Variants in KAZN observed in about 807,000 individuals in gnomAD.
KAZN encodes kazrin.
KAZN carries 40 observed loss-of-function variants against 87.4 expected under a neutral mutation model. The observed-to-expected ratio is 0.46, with a 90% CI of 0.36 to 0.60. The LOEUF (loss-of-function observed/expected upper bound fraction) is 0.60. KAZN is among the 20% of genes least tolerant of loss of function. The pLI is 0.00. For synonymous variants in KAZN, 466 were observed against 458.3 expected (o/e 1.02, Z -0.22); for missense variants, 898 against 1,073.9 (o/e 0.84, Z 2.29).
chr1:14,388,142 C>T lies in KAZN; in HGVS notation c.249+207550C>T, dbSNP rs559860730. On this transcript the variant is annotated intron_variant, in intron 2 of 16. Transcript: ENST00000636203. Reference sequence around the variant, plus strand: ...GAACTCCCTGATCCCTTGCGCTTCCCGAGTGAGGCAATGCCTCGCCCTGCT... The same window carrying T: ...GAACTCCCTGATCCCTTGCGCTTCCTGAGTGAGGCAATGCCTCGCCCTGCT... 2.5e-3 allele frequency among the ~76,000 whole-genome samples: 385 copies of T among 152,314 alleles called. 1 individual carries two copies. Among genetic ancestry groups the T allele is most frequent in the South Asian group, 3.9e-3 (19 of 4,822 alleles).
At chr1:14,815,022 C>A (rs753193120) in intron 1 of KAZN, among the ~76,000 whole-genome samples, 2 of 152,112 alleles carry the variant, frequency 1.3e-5, no homozygotes, top group Non-Finnish European at 2.9e-5. Flanking sequence ...AGTGGACTTC[C>A]ACTCACAGCA....
At chr1:14,740,848 A>G (rs1208403378) in intron 1 of KAZN, among the ~76,000 whole-genome samples, 4 of 152,198 alleles carry the variant, frequency 2.6e-5, no homozygotes, top group African/African-American at 7.2e-5. Flanking sequence ...GGGGATTCCA[A>G]TTACTAACTG....
intron 2 of KAZN, among the ~76,000 whole-genome samples, chr1:14,453,100 C>T (rs960671803): frequency 5.9e-5 from 9 of 152,080 alleles, no homozygotes; most frequent in Non-Finnish European, 1.0e-4. Flanking sequence ...GGACTACAGG[C>T]GCCCACCACT....
At chr1:14,495,771 G>A (rs1461489124) in intron 2 of KAZN, among the ~76,000 whole-genome samples, 1 of 152,114 alleles carries the variant, frequency 6.6e-6, no homozygotes, top group Non-Finnish European at 1.5e-5. Context: ...AGGAAATTTG[G>A]GGTAGAGGAG....
intron 1 of KAZN, among the ~76,000 whole-genome samples, chr1:14,085,851 T>A (rs1001121859): frequency 2.0e-5 from 3 of 152,224 alleles, no homozygotes; most frequent in African/African-American, 7.2e-5. Flanking sequence ...CCAGAGTGAC[T>A]AACATTTTGC....
chr1:14,587,432 A>T (rs1295788), intron 2 of KAZN, among the ~76,000 whole-genome samples: 39,955 of 146,336 alleles, frequency 0.27, 6,585 homozygotes, highest in African/African-American at 0.47. Flanking sequence ...CGAGACTCCA[A>T]CTCAAAAAAA....
intron 2 of KAZN, among the ~76,000 whole-genome samples, chr1:14,379,685 A>G (rs115683543): frequency 1.9e-3 from 284 of 152,314 alleles, no homozygotes; most frequent in African/African-American, 6.7e-3. Context: ...AAGAATGGGA[A>G]GGACTGTGTC....
intron 1 of KAZN, among the ~76,000 whole-genome samples, chr1:14,718,047 G>A (rs7515321): frequency 0.67 from 102,576 of 152,080 alleles, 37,381 homozygotes; most frequent in Middle Eastern, 0.86. Flanking sequence ...GGGTAGCACC[G>A]CCAAAGACCG....
chr1:14,552,488 T>C (rs1211467291), intron 2 of KAZN, among the ~76,000 whole-genome samples: 1 of 152,244 alleles, frequency 6.6e-6, no homozygotes, highest in Admixed American at 6.5e-5. Flanking sequence ...AAGCTGCAAC[T>C]TGGCGGTTGC....
intron 2 of KAZN, among the ~76,000 whole-genome samples, chr1:14,209,241 A>C (rs1646804934): frequency 6.6e-6 from 1 of 152,218 alleles, no homozygotes; most frequent in African/African-American, 2.4e-5. Flanking sequence ...CTATTAGTAC[A>C]TCAGCTCCAT....
At chr1:14,695,510 C>CTTATTTTTTTTTTTTTTTTTTTTTTTTTT (rs1641545169) in intron 1 of KAZN, among the ~76,000 whole-genome samples, 1 of 85,048 alleles carries the variant, frequency 1.2e-5, no homozygotes, top group African/African-American at 3.6e-5. Flanking sequence ...TACATTCCAT[C>CTTATTTTTTTTTTTTTTTTTTTTTTTTTT]TTTTTTTTTT....
chr1:14,054,972 G>A (rs1452682581), intron 1 of KAZN, among the ~76,000 whole-genome samples: 1 of 152,190 alleles, frequency 6.6e-6, no homozygotes, highest in Admixed American at 6.5e-5. Flanking sequence ...GTTCTTTGCT[G>A]TGGGGTCTGT....
intron 1 of KAZN, among the ~76,000 whole-genome samples, chr1:14,143,837 C>T (rs767795734): frequency 2.0e-5 from 3 of 152,048 alleles, no homozygotes; most frequent in Non-Finnish European, 2.9e-5. Context: ...CCCACCTCAG[C>T]CTCTCAAATA....
At chr1:15,095,719 GTAGT>G (rs1419092545) in intron 10 of KAZN, among the ~76,000 whole-genome samples, 1 of 150,892 alleles carries the variant, frequency 6.6e-6, no homozygotes, top group Admixed American at 6.6e-5. Context: ...TCATTTTTGT[GTAGT>G]TAGTTAATCA....
At chr1:14,686,604 C>G (rs1640966251) in intron 1 of KAZN, among the ~76,000 whole-genome samples, 1 of 152,210 alleles carries the variant, frequency 6.6e-6, no homozygotes, top group South Asian at 2.1e-4. Flanking sequence ...TCAGCCTGAC[C>G]CTTCACCTTC....
Position 14,996,107 on chromosome 1 carries a change from C to T in KAZN, c.418+35232C>T, listed in dbSNP as rs768406578. On this transcript the variant is annotated intron_variant, in intron 2 of 14. Transcript: ENST00000376030. The surrounding 1 kb of genome is among the most constrained non-coding windows in gnomAD (Gnocchi z 5.9). ...GAGGGTCCATACCCTGCACAGCAGA[C>T]GCGAGTGTGCATGTCAGTTTCCAGG... Among the ~76,000 whole-genome samples, 5 of 152,158 alleles carry T rather than the reference C, an allele frequency of 3.3e-5. No individual in the cohort carries two copies. Among genetic ancestry groups the T allele is most frequent in the South Asian group, 2.1e-4 (1 of 4,834 alleles).
At chr1:13,958,244 G>C (rs1346977914) in intron 1 of KAZN, among the ~76,000 whole-genome samples, 4 of 152,122 alleles carry the variant, frequency 2.6e-5, no homozygotes, top group Non-Finnish European at 5.9e-5. Context: ...AAAAAATTTA[G>C]CCTTATACTT....
chr1:13,952,334 GATAATA>G (rs35005409), intron 1 of KAZN, among the ~76,000 whole-genome samples: 16,600 of 142,838 alleles, frequency 0.12, 1,189 homozygotes, highest in East Asian at 0.32. Context: ...ATAAAATGGA[GATAATA>G]ATAATAATAA....
intron 2 of KAZN, among the ~76,000 whole-genome samples, chr1:14,345,827 A>T (rs546189631): frequency 1.3e-5 from 2 of 152,292 alleles, no homozygotes; most frequent in South Asian, 4.1e-4. Context: ...ATAATACCTA[A>T]ATTTTTAAAA....
Sources: gnomAD v4.1 joint callset for allele counts (sites outside exome capture counted in the v4.1 genomes callset) on GRCh38, gnomAD v4.1.1 for gene constraint, Gnocchi (gnomAD v3.1) non-coding constraint, MANE v1.5 for transcripts, NCBI Gene and HGNC (gene_info 2026-07-23, HGNC 2026-07-21) for gene names.